The following MTF1 variants were observed in gnomAD, a reference collection of about 807,000 sequenced individuals.
MTF1 encodes metal regulatory transcription factor 1.
A neutral mutation model predicts 70.4 loss-of-function variants in MTF1; 22 were observed. The observed-to-expected ratio is 0.31, with a 90% CI of 0.22 to 0.45. The LOEUF is 0.45. MTF1 is among the 20% of genes least tolerant of loss of function. The pLI is 1.00. For missense variants in MTF1, 649 were observed against 922.0 expected (o/e 0.70, Z 3.83); for synonymous variants, 333 against 352.8 (o/e 0.94, Z 0.63).
chr1:37,857,746 C>T (rs1641520809), intron 1 of MTF1, 37 bp from the exon 2 acceptor site: 1 of 1,349,600 alleles, frequency 7.4e-7, no homozygotes, highest in East Asian at 2.3e-5. Flanking sequence ...AGTCATACCA[C>T]AAGACCGACG....
In MTF1 at chr1:37,812,093, C is replaced by T. The variant is rs746014344; in HGVS notation, c.*3043G>A. ...GATGTTAGTAGGAGCTAGAAGATAA[C>T]GTACAGGGTGAAAATGGTTAAGTTT... On this transcript the variant is annotated 3_prime_UTR_variant, in exon 11 of 11. Coordinates refer to ENST00000373036, the MANE Select transcript of MTF1 (RefSeq NM_005955.3). 1 of 152,664 alleles carries T rather than the reference C, an allele frequency of 6.6e-6. No individual in the cohort carries two copies. The highest frequency in any genetic ancestry group is 1.9e-4 in the East Asian group (1 of 5,206). 9.5% of individuals were successfully genotyped at this position (152,664 alleles called of 1,614,324 possible). A position where few individuals can be genotyped will look rare whatever the true frequency, so the allele number is the denominator to read the frequency against.
chr1:37,840,408 G>T lies in MTF1; in HGVS notation c.409-250C>A. 1.8e-6 allele frequency: 1 copy of T among 557,114 alleles called. No homozygotes were observed. The highest frequency in any genetic ancestry group is 3.3e-6 in the Non-Finnish European group (1 of 302,538). The allele number at this position is 557,114 out of a possible 1,614,324, so 34.5% of individuals were successfully genotyped here. A position where few individuals can be genotyped will look rare whatever the true frequency, so the allele number is the denominator to read the frequency against. On this transcript the variant is annotated intron_variant, in intron 2 of 10. Transcript: ENST00000373036. This position sits in a 1 kb window ranked among gnomAD's most constrained non-coding sequence, Gnocchi z 4.5. Reference sequence around the variant, plus strand: ...AGATGAATATTCTAAATGAACATAAGAATGTTTTCAGACTCTATATACATC... The same window carrying T: ...AGATGAATATTCTAAATGAACATAATAATGTTTTCAGACTCTATATACATC...
intron 2 of MTF1, among the ~76,000 whole-genome samples, chr1:37,847,589 G>A (rs1448508697): frequency 6.6e-6 from 1 of 152,190 alleles, no homozygotes; most frequent in Non-Finnish European, 1.5e-5. Context: ...ATAATTTTCA[G>A]TGGCCTGATA....
chr1:37,835,538 G>T (rs899164970), intron 5 of MTF1, 133 bp downstream of exon 5: 3 of 711,222 alleles, frequency 4.2e-6, no homozygotes, highest in African/African-American at 1.8e-5. Context: ...AACATTCTAG[G>T]TAAGGCTGAG....
intron 3 of MTF1, among the ~76,000 whole-genome samples, chr1:37,839,331 T>G (rs952005830): frequency 1.3e-5 from 2 of 152,220 alleles, no homozygotes; most frequent in African/African-American, 4.8e-5. Context: ...AAGCTAGTTA[T>G]AGAACCCCTC....
intron 8 of MTF1, 37 bp from the exon 9 acceptor site, chr1:37,822,753 C>CCCA: frequency 6.8e-7 from 1 of 1,480,222 alleles, no homozygotes; most frequent in Non-Finnish European, 9.3e-7. Context: ...ATATACATAT[C>CCCA]CCAAGCCTTA....
rs188305371 is a variant in MTF1 at position 37,815,373 on chromosome 1, C to T, written c.2025G>A (p.Ala675=). The T allele has an allele frequency of 4.3e-4, 695 of 1,614,046 alleles. 2 individuals are homozygous for T. The highest frequency in any genetic ancestry group is 2.7e-3 in the South Asian group (246 of 91,080). ...GAACAGGGGCTGAAGAGAAAGTCTG[C>T]GCTGGGAGCTGCAGGCTGGGCCCAT... ...APDGPSLQLP[A]QTFSSAPVPG... The change falls in exon 11 of 11, where the codon GCG becomes GCA. Residue 675 remains alanine (A), a synonymous_variant. Coordinates refer to ENST00000373036, the MANE Select transcript of MTF1 (RefSeq NM_005955.3). The surrounding 1 kb of genome is among the most constrained non-coding windows in gnomAD (Gnocchi z 4.5).
intron 4 of MTF1, among the ~76,000 whole-genome samples, 175 bp downstream of exon 4, chr1:37,838,441 TCTTGGACTC>T (rs967540291): frequency 1.3e-5 from 2 of 152,200 alleles, no homozygotes; most frequent in Non-Finnish European, 2.9e-5. Context: ...GTAAGGATGT[TCTTGGACTC>T]CATCAGCACC....
At chr1:37,838,533 G>C in intron 4 of MTF1, 92 bp downstream of exon 4, 1 of 1,120,824 alleles carries the variant, frequency 8.9e-7, no homozygotes. Flanking sequence ...GCTAGTAAAG[G>C]GAGTTTTCTT....
intron 2 of MTF1, among the ~76,000 whole-genome samples, chr1:37,856,584 C>A (rs1641500546): frequency 6.7e-6 from 1 of 150,302 alleles, no homozygotes; most frequent in Non-Finnish European, 1.5e-5. Flanking sequence ...ACTGCAACCT[C>A]TGCCTCCCGG....
In MTF1 at chr1:37,810,798, A is replaced by G. The variant is rs898562433; in HGVS notation, c.*4338T>C. Reference sequence around the variant, plus strand: ...AATGGGGGAGGTGGAGTAAAGGAAGAAAGTTGATAATGATTCATGGGATGT... The same window carrying G: ...AATGGGGGAGGTGGAGTAAAGGAAGGAAGTTGATAATGATTCATGGGATGT... On this transcript the variant is annotated 3_prime_UTR_variant, in exon 11 of 11. Transcript: ENST00000373036. 1 of 152,208 alleles carries G rather than the reference A, an allele frequency of 6.6e-6. No homozygotes were observed. The highest frequency in any genetic ancestry group is 2.4e-5 in the African/African-American group (1 of 41,454). The allele number at this position is 152,208 out of a possible 1,614,324, so 9.4% of individuals were successfully genotyped here.
intron 2 of MTF1, among the ~76,000 whole-genome samples, chr1:37,847,362 C>T (rs1328881408): frequency 1.3e-5 from 2 of 152,158 alleles, no homozygotes; most frequent in Non-Finnish European, 2.9e-5. Context: ...GTCAGTCTGT[C>T]ATCTGTAAAA....
Position 37,811,959 on chromosome 1 carries a change from A to C in MTF1, c.*3177T>G, listed in dbSNP as rs2148395497. 1 of 152,836 alleles carries C rather than the reference A, an allele frequency of 6.5e-6. No individual in the cohort carries two copies. Among genetic ancestry groups the C allele is most frequent in the Non-Finnish European group, 1.5e-5 (1 of 68,070 alleles). 9.5% of individuals were successfully genotyped at this position (152,836 alleles called of 1,614,324 possible). On this transcript the variant is annotated 3_prime_UTR_variant, in exon 11 of 11. Coordinates refer to ENST00000373036, the MANE Select transcript of MTF1 (RefSeq NM_005955.3). ...CAACCTACCTGCCTGGGAAGGGCCA[A>C]GTTCACTAAGGCAGTTTGGTGGTGC...
At chr1:37,829,493 T>G (rs1012337748) in intron 7 of MTF1, among the ~76,000 whole-genome samples, 5 of 151,086 alleles carry the variant, frequency 3.3e-5, no homozygotes, top group African/African-American at 7.3e-5. Context: ...CAAAGAAAAT[T>G]TAATCCTGGC....
At chr1:37,826,674 A>G (rs556991424) in intron 7 of MTF1, 1 of 428,412 alleles carries the variant, frequency 2.3e-6, no homozygotes, top group African/African-American at 2.1e-5. Flanking sequence ...ATATGATAGA[A>G]GGTGAAGTCA....
At chr1:37,837,288 C>T (rs1641184831) in intron 4 of MTF1, among the ~76,000 whole-genome samples, 1 of 152,088 alleles carries the variant, frequency 6.6e-6, no homozygotes, top group Admixed American at 6.6e-5. Flanking sequence ...AACTCCTGGG[C>T]TCAAGTGATC....
At chr1:37,829,470 T>TG (rs1276440169) in intron 7 of MTF1, among the ~76,000 whole-genome samples, 2 of 124,394 alleles carry the variant, frequency 1.6e-5, no homozygotes, top group Non-Finnish European at 3.9e-5. Context: ...ATGTCCCTAA[T>TG]TTTTTTTTCA....
In MTF1 at chr1:37,815,235, T is replaced by A. The variant is rs116143945; in HGVS notation, c.2163A>T (p.Leu721=). 1 of 1,614,016 alleles carries A rather than the reference T, an allele frequency of 6.2e-7. No individual in the cohort carries two copies. Among genetic ancestry groups the A allele is most frequent in the African/African-American group, 1.3e-5 (1 of 75,000 alleles). The change falls in exon 11 of 11, where the codon CTA becomes CTT. Residue 721 remains leucine, a synonymous_variant. Coordinates refer to ENST00000373036, the MANE Select transcript of MTF1 (RefSeq NM_005955.3). The surrounding 1 kb of genome is among the most constrained non-coding windows in gnomAD (Gnocchi z 4.5). ...TLSAMDVSEF[L]SLQSLDTPSN... ...ACGGGGTGTCCAGGCTCTGGAGGGA[T>A]AGAAACTCTGACACATCCATGGCAC... is the stretch of plus-strand genomic sequence containing the variant.
In MTF1 at chr1:37,823,821, G is replaced by A. The variant is rs760976013; in HGVS notation, c.1069-9C>T. 6 of 1,603,506 alleles carry A rather than the reference G, an allele frequency of 3.7e-6. No individual in the cohort carries two copies. The highest frequency in any genetic ancestry group is 5.1e-6 in the Non-Finnish European group (6 of 1,170,660). On this transcript the variant is annotated splice_polypyrimidine_tract_variant and intron_variant, in intron 7 of 10. Transcript: ENST00000373036. ...AGGTCCTGGCCCTGGGTCTGATGGA[G>A]AGAGACAAAGATGTGAGATTGGCCA...
Sources: allele counts gnomAD v4.1 joint callset (sites outside exome capture counted in the v4.1 genomes callset), GRCh38; gene constraint gnomAD v4.1.1; non-coding constraint Gnocchi (gnomAD v3.1); transcripts MANE v1.5; gene names NCBI Gene and HGNC (gene_info 2026-07-23, HGNC 2026-07-21).